Variants in GPM6B observed in about 807,000 individuals in gnomAD.
GPM6B encodes the protein neuronal membrane glycoprotein M6-b.
Under a neutral mutation model 27.2 loss-of-function variants are expected in GPM6B, and 4 were observed. The ratio of observed to expected loss-of-function variants is 0.15; its 90% confidence interval spans 0.07 to 0.34. The LOEUF is 0.34. Ranked by LOEUF, GPM6B falls within the 10% of genes least tolerant of loss-of-function variation. GPM6B has a pLI of 1.00. For missense variants in GPM6B, 183 were observed against 261.9 expected, an observed-to-expected ratio of 0.70 and a Z score of 2.08; for synonymous variants, 124 against 103.1, an observed-to-expected ratio of 1.20 and a Z score of -1.23.
intron 1 of GPM6B, among the ~76,000 whole-genome samples, chrX:13,823,225 A>T (rs1415463488): frequency 8.9e-6 from 1 of 112,511 alleles, no homozygotes; most frequent in Non-Finnish European, 1.9e-5. Context: ...AATGCTTATA[A>T]ATGGTAAAGC....
At chrX:13,896,899 C>T (rs1161522080) in intron 1 of GPM6B, among the ~76,000 whole-genome samples, 1 of 112,033 alleles carries the variant, frequency 8.9e-6, no homozygotes, top group Non-Finnish European at 1.9e-5. Context: ...TGCTCTAACA[C>T]AGGAATTACA....
intron 1 of GPM6B, among the ~76,000 whole-genome samples, chrX:13,879,231 T>C (rs12558882): frequency 0.21 from 23,706 of 111,365 alleles, 2,215 homozygotes; most frequent in East Asian, 0.63. Flanking sequence ...GTATCTAAAC[T>C]AAAAATCTGT....
intron 1 of GPM6B, among the ~76,000 whole-genome samples, chrX:13,822,429 A>G (rs1343755015): frequency 2.9e-4 from 32 of 110,042 alleles, no homozygotes; most frequent in Non-Finnish European, 5.3e-4. Flanking sequence ...ACAGTGGTGC[A>G]ATCTCGGCTC....
intron 1 of GPM6B, among the ~76,000 whole-genome samples, chrX:13,857,766 T>G (rs1362451146): frequency 8.9e-6 from 1 of 112,908 alleles, no homozygotes; most frequent in East Asian, 2.8e-4. Flanking sequence ...AAGCATTTCT[T>G]GAGCACCAAC....
At chrX:13,821,929 G>A, upstream of GPM6B, among the ~76,000 whole-genome samples, 1 of 111,943 alleles carries the variant, frequency 8.9e-6, no homozygotes, top group Non-Finnish European at 1.9e-5. Context: ...GACTATGACT[G>A]TTCAGCTGAC....
chrX:13,840,945 T>C (rs1018601712), intron 1 of GPM6B, among the ~76,000 whole-genome samples: 1 of 112,012 alleles, frequency 8.9e-6, no homozygotes, highest in Admixed American at 9.4e-5. Flanking sequence ...ATTTTGAATT[T>C]AGGAGGATGT....
chrX:13,886,727 A>AAAAAAAAAAAAAAAAAT (rs2050140029), intron 1 of GPM6B, among the ~76,000 whole-genome samples: 1 of 101,487 alleles, frequency 9.9e-6, no homozygotes, highest in Non-Finnish European at 2.0e-5. Context: ...ACTAAAAAAA[A>AAAAAAAAAAAAAAAAAT]AAAAAAAAAA....
intron 4 of GPM6B, chrX:13,780,917 G>A: frequency 3.1e-6 from 1 of 317,678 alleles, no homozygotes; most frequent in Non-Finnish European, 6.1e-6. Flanking sequence ...GGAGATACCT[G>A]GGCGGTTGGA....
intron 1 of GPM6B, among the ~76,000 whole-genome samples, chrX:13,925,882 A>T (rs1401527736): frequency 1.0e-5 from 1 of 100,322 alleles, no homozygotes; most frequent in South Asian, 4.7e-4. Flanking sequence ...GTGAAACCCC[A>T]TCTCTACTAA....
At chrX:13,839,775 T>C (rs936913044) in intron 1 of GPM6B, among the ~76,000 whole-genome samples, 2 of 112,169 alleles carry the variant, frequency 1.8e-5, no homozygotes, top group African/African-American at 6.5e-5. Flanking sequence ...ATTTCATTTA[T>C]AGATTTAATG....
intron 1 of GPM6B, among the ~76,000 whole-genome samples, chrX:13,866,129 T>C (rs769323575): frequency 1.8e-4 from 20 of 111,939 alleles, no homozygotes; most frequent in African/African-American, 6.5e-4. Context: ...TTTGAGAGGC[T>C]GAGGCTGGCG....
chrX:13,807,604 A>G (rs372372116), intron 2 of GPM6B, 46 bp downstream of exon 2: 3 of 1,014,529 alleles, frequency 3.0e-6, no homozygotes, highest in African/African-American at 3.8e-5. Flanking sequence ...AATATTAAAG[A>G]TAACAGTTGA....
intron 1 of GPM6B, among the ~76,000 whole-genome samples, chrX:13,904,720 T>C (rs2050312820): frequency 9.1e-6 from 1 of 110,167 alleles, no homozygotes; most frequent in Non-Finnish European, 1.9e-5. Flanking sequence ...ATTAAACCTC[T>C]GGGACCAGCT....
chrX:13,868,888 C>T (rs182658239), intron 1 of GPM6B, among the ~76,000 whole-genome samples: 2 of 112,117 alleles, frequency 1.8e-5, no homozygotes, highest in East Asian at 5.6e-4. Flanking sequence ...ACACTAAAGA[C>T]ATTCCAAAGT....
chrX:13,899,086 T>C (rs1057172867), intron 1 of GPM6B, among the ~76,000 whole-genome samples: 2 of 110,840 alleles, frequency 1.8e-5, no homozygotes, highest in Non-Finnish European at 3.8e-5. Context: ...ACACAGCACA[T>C]AGACAGATAT....
chrX:13,778,040 A>T (rs753500333), intron 5 of GPM6B, among the ~76,000 whole-genome samples: 4 of 98,486 alleles, frequency 4.1e-5, no homozygotes, highest in African/African-American at 1.5e-4. Flanking sequence ...TTGGACTGAA[A>T]ATCAAATTGG....
intron 2 of GPM6B, among the ~76,000 whole-genome samples, chrX:13,806,657 TTTTA>T (rs2049027376): frequency 8.9e-6 from 1 of 112,415 alleles, no homozygotes; most frequent in African/African-American, 3.2e-5. Context: ...TAATCATGGA[TTTTA>T]TGACTTTGTA....
intron 1 of GPM6B, among the ~76,000 whole-genome samples, chrX:13,808,306 C>T (rs188024270): frequency 4.9e-4 from 55 of 112,156 alleles, no homozygotes; most frequent in African/African-American, 1.7e-3. Context: ...AAACTCAGAA[C>T]GTCAGAGTCT....
At chrX:13,780,979 T>G (rs760029107) in intron 4 of GPM6B, 1 of 312,897 alleles carries the variant, frequency 3.2e-6, no homozygotes, top group Admixed American at 3.3e-5. Context: ...CGAGACACTT[T>G]CCCTTGCACT....
Sources: gnomAD v4.1 joint callset for allele counts (sites outside exome capture counted in the v4.1 genomes callset) on GRCh38, gnomAD v4.1.1 for gene constraint, MANE v1.5 for transcripts, NCBI Gene and HGNC (gene_info 2026-07-23, HGNC 2026-07-21) for gene names.